Variants in SH3RF3 observed in about 807,000 individuals in gnomAD.
SH3RF3 encodes SH3 domain containing ring finger 3.
SH3RF3 carries 29 observed loss-of-function variants against 66.3 expected under a neutral mutation model. That is an observed-to-expected ratio of 0.44 (90% CI 0.33 to 0.60). The LOEUF is 0.60. Among genes scored for constraint, SH3RF3 ranks in the 20% least tolerant of loss-of-function variants. The pLI, the probability that SH3RF3 is intolerant of heterozygous loss-of-function variation, is 0.04. For synonymous variants in SH3RF3, 583 were observed against 532.0 expected, an observed-to-expected ratio of 1.10 and a Z score of -1.32; for missense variants, 1,194 against 1,190.9, an observed-to-expected ratio of 1.00 and a Z score of -0.04.
At chr2:109,427,327 A>T (rs1677053654) in intron 5 of SH3RF3, among the ~76,000 whole-genome samples, 1 of 152,344 alleles carries the variant, frequency 6.6e-6, no homozygotes, top group African/African-American at 2.4e-5. Context: ...GCTATCGCAT[A>T]CTTAATACGC....
chr2:109,392,424 C>T (rs1396681436), intron 3 of SH3RF3, among the ~76,000 whole-genome samples: 1 of 152,136 alleles, frequency 6.6e-6, no homozygotes, highest in African/African-American at 2.4e-5. Context: ...TTGCTGTCAC[C>T]TCGTGGTGGA....
chr2:109,189,525 C>T (rs200512881), intron 1 of SH3RF3, among the ~76,000 whole-genome samples: 3 of 151,964 alleles, frequency 2.0e-5, no homozygotes, highest in Admixed American at 6.6e-5. Flanking sequence ...CACACCACCA[C>T]GCCCAGCTAA....
intron 2 of SH3RF3, among the ~76,000 whole-genome samples, chr2:109,354,014 A>G (rs572249878): frequency 9.8e-4 from 149 of 152,304 alleles, no homozygotes; most frequent in African/African-American, 3.4e-3. Context: ...CAGGACAAAG[A>G]TGCAGGGCCA....
rs1006411367 is a variant in SH3RF3 at position 109,183,639 on chromosome 2, G to A, written c.573+53526G>A. ...GAAATTAACTTCTTTTATCCTGCCC[G>A]TCCACTCACTCTTTGATTCTGAAAA... is the stretch of plus-strand genomic sequence containing the variant. On this transcript the variant is annotated intron_variant, in intron 1 of 9. Transcript: ENST00000309415. Among the ~76,000 whole-genome samples, 17 of 152,000 alleles carry A rather than the reference G, an allele frequency of 1.1e-4. No individual in the cohort carries two copies. The South Asian group carries it at 2.1e-3, about 19-fold the overall frequency.
intron 4 of SH3RF3, among the ~76,000 whole-genome samples, chr2:109,415,475 C>A (rs562157893): frequency 7.9e-5 from 12 of 152,274 alleles, no homozygotes; most frequent in African/African-American, 2.9e-4. Context: ...GCTACAGTCG[C>A]GGCTGCTATT....
intron 1 of SH3RF3, among the ~76,000 whole-genome samples, chr2:109,200,336 G>T (rs950987241): frequency 2.6e-5 from 4 of 152,166 alleles, no homozygotes; most frequent in African/African-American, 9.7e-5. Flanking sequence ...CTCACTAGCA[G>T]CCTCCTTTCC....
rs553224947 is a variant in SH3RF3, at chr2:109,362,570, G to T, written c.850-9016G>T. 4.0e-3 allele frequency among the ~76,000 whole-genome samples: 616 copies of T among 152,258 alleles called. 5 individuals are homozygous for T. The highest frequency in any genetic ancestry group is 0.024 in the South Asian group (118 of 4,822). ...TGGTTGAGATATTATGTGGATGTCA[G>T]TTGTATCCAGTAGATTGATGGTGCC... On this transcript the variant is annotated intron_variant, in intron 2 of 9. Transcript: ENST00000309415.
intron 2 of SH3RF3, among the ~76,000 whole-genome samples, chr2:109,355,736 C>A (rs1292947579): frequency 6.6e-6 from 1 of 152,186 alleles, no homozygotes; most frequent in Non-Finnish European, 1.5e-5. Flanking sequence ...TGTGAAGCAG[C>A]AACTTAACAC....
chr2:109,218,336 C>T (rs1218531663), intron 1 of SH3RF3, among the ~76,000 whole-genome samples: 1 of 152,180 alleles, frequency 6.6e-6, no homozygotes, highest in Non-Finnish European at 1.5e-5. Flanking sequence ...TCTTCTACTT[C>T]ACCAGAATTG....
At chr2:109,193,457 C>T (rs949813621) in intron 1 of SH3RF3, among the ~76,000 whole-genome samples, 4 of 152,352 alleles carry the variant, frequency 2.6e-5, no homozygotes, top group Non-Finnish European at 1.5e-5. Context: ...CTCTGGGCAA[C>T]TCTGTGGGTC....
intron 7 of SH3RF3, among the ~76,000 whole-genome samples, chr2:109,438,938 A>G (rs999285398): frequency 1.3e-5 from 2 of 152,288 alleles, no homozygotes; most frequent in Admixed American, 6.5e-5. Context: ...ATGTTTCCAC[A>G]TGCACCAGCA....
At chr2:109,178,415 T>A (rs1677980596) in intron 1 of SH3RF3, among the ~76,000 whole-genome samples, 2 of 152,100 alleles carry the variant, frequency 1.3e-5, no homozygotes, top group South Asian at 4.2e-4. Context: ...TTAGTTTCCT[T>A]TTTTTTATTG....
intron 1 of SH3RF3, among the ~76,000 whole-genome samples, chr2:109,277,257 C>T (rs1680778183): frequency 6.6e-6 from 1 of 152,176 alleles, no homozygotes; most frequent in Non-Finnish European, 1.5e-5. Flanking sequence ...CTCTCCCTCA[C>T]TGTACAGGAA....
At chr2:109,370,635 C>T (rs1053802215) in intron 2 of SH3RF3, among the ~76,000 whole-genome samples, 8 of 152,106 alleles carry the variant, frequency 5.3e-5, no homozygotes, top group African/African-American at 1.9e-4. Context: ...CTCCTCCGTC[C>T]TTTTCCTCTT....
chr2:109,170,607 C>G (rs925785511), intron 1 of SH3RF3, among the ~76,000 whole-genome samples: 5 of 152,108 alleles, frequency 3.3e-5, no homozygotes, highest in Non-Finnish European at 7.4e-5. Flanking sequence ...GCCTCGGCCA[C>G]CCAAAGCGCT....
chr2:109,261,566 A>G (rs1558988372), intron 1 of SH3RF3, among the ~76,000 whole-genome samples: 1 of 152,146 alleles, frequency 6.6e-6, no homozygotes, highest in Non-Finnish European at 1.5e-5. Flanking sequence ...AAACAAGTGC[A>G]TTCGAAGGGA....
intron 1 of SH3RF3, among the ~76,000 whole-genome samples, chr2:109,140,115 CCT>C (rs919091143): frequency 1.3e-5 from 2 of 152,154 alleles, no homozygotes; most frequent in African/African-American, 4.8e-5. Flanking sequence ...GCCCCTTTTC[CCT>C]CTGTCCACCG....
At chr2:109,254,378 A>G (rs1353623886) in intron 1 of SH3RF3, among the ~76,000 whole-genome samples, 11 of 152,082 alleles carry the variant, frequency 7.2e-5, no homozygotes, top group Admixed American at 7.2e-4. Context: ...CAGTTTCCCC[A>G]TCTGTAAAAT....
At chr2:109,338,229 C>T (rs561786183) in intron 1 of SH3RF3, among the ~76,000 whole-genome samples, 6 of 152,232 alleles carry the variant, frequency 3.9e-5, no homozygotes, top group African/African-American at 1.4e-4. Flanking sequence ...TTCGATCTCA[C>T]ATTTAGGATC....
Sources: gnomAD v4.1 joint callset for allele counts (sites outside exome capture counted in the v4.1 genomes callset) on GRCh38, gnomAD v4.1.1 for gene constraint, MANE v1.5 for transcripts, NCBI Gene and HGNC (gene_info 2026-07-23, HGNC 2026-07-21) for gene names.